Variants in LRRC75A observed in about 807,000 individuals in gnomAD.
LRRC75A encodes the protein leucine rich repeat containing 75A.
In LRRC75A, 12 loss-of-function variants were observed where a neutral mutation model predicts 26.0. The ratio of observed to expected loss-of-function variants is 0.46; its 90% CI spans 0.30 to 0.75. The LOEUF (loss-of-function observed/expected upper bound fraction) is 0.75. Among genes scored for constraint, LRRC75A ranks in the 30% least tolerant of loss-of-function variants. The pLI is 0.08. For missense variants in LRRC75A, 410 were observed against 486.6 expected (o/e 0.84, Z 1.48); for synonymous variants, 223 against 219.3 (o/e 1.02, Z -0.15).
intron 1 of LRRC75A, among the ~76,000 whole-genome samples, chr17:16,483,992 A>G (rs1568987005): frequency 6.6e-6 from 1 of 152,182 alleles, no homozygotes; most frequent in South Asian, 2.1e-4. Flanking sequence ...CTTTTATAAT[A>G]TTTTAAAAAC....
Position 16,462,162 on chromosome 17 carries a change from G to A in LRRC75A, c.375+96C>T, listed in dbSNP as rs2093732323. The A allele has an allele frequency of 7.2e-7, 1 of 1,381,342 alleles. No individual in the cohort carries two copies. The highest frequency in any genetic ancestry group is 9.9e-7 in the Non-Finnish European group (1 of 1,012,362). The allele number at this position is 1,381,342 out of a possible 1,614,324, so 85.6% of individuals were successfully genotyped here. A position where few individuals can be genotyped will look rare whatever the true frequency, so the allele number is the denominator to read the frequency against. Reference sequence around the variant, plus strand: ...GGACGGGCTTGTCCTCCTTGGGCCTGTCTGCCAGTCCTCCTTGGGCATACA... The same window carrying A: ...GGACGGGCTTGTCCTCCTTGGGCCTATCTGCCAGTCCTCCTTGGGCATACA... On this transcript the variant is annotated intron_variant, in intron 2 of 3. Transcript: ENST00000470794. This position sits in a 1 kb window ranked among gnomAD's most constrained non-coding sequence, Gnocchi z 4.6.
intron 1 of LRRC75A, among the ~76,000 whole-genome samples, chr17:16,483,547 TG>T (rs1435050868): frequency 1.3e-5 from 2 of 152,188 alleles, no homozygotes; most frequent in Non-Finnish European, 2.9e-5. Flanking sequence ...TGGGAATGAA[TG>T]GGTCTTTCCA....
intron 1 of LRRC75A, among the ~76,000 whole-genome samples, chr17:16,472,482 G>T (rs1392045563): frequency 6.6e-6 from 1 of 152,194 alleles, no homozygotes; most frequent in Non-Finnish European, 1.5e-5. Flanking sequence ...CAGTGGGCTT[G>T]ACTGCTCCAG....
chr17:16,455,498 C>T (rs1438723471), intron 2 of LRRC75A, among the ~76,000 whole-genome samples: 1 of 152,092 alleles, frequency 6.6e-6, no homozygotes, highest in Non-Finnish European at 1.5e-5. Flanking sequence ...CTTGCTTCAG[C>T]CTCCCGAGTA....
At chr17:16,475,943 A>T (rs2159337) in intron 1 of LRRC75A, among the ~76,000 whole-genome samples, 7 of 151,838 alleles carry the variant, frequency 4.6e-5, no homozygotes, top group African/African-American at 1.5e-4. Flanking sequence ...CTGTAATCCC[A>T]GCACTTTGGG....
At chr17:16,479,614 C>G (rs1271573436) in intron 1 of LRRC75A, among the ~76,000 whole-genome samples, 3 of 152,220 alleles carry the variant, frequency 2.0e-5, no homozygotes, top group Non-Finnish European at 4.4e-5. Context: ...GATAGGCATC[C>G]TTGAGTGACC....
intron 2 of LRRC75A, among the ~76,000 whole-genome samples, chr17:16,457,697 G>T (rs2093695907): frequency 6.6e-6 from 1 of 152,106 alleles, no homozygotes; most frequent in South Asian, 2.1e-4. Context: ...GTGGGGGTTG[G>T]GCTCACACCT....
chr17:16,489,416 G>A (rs1035958042), intron 1 of LRRC75A, among the ~76,000 whole-genome samples: 2 of 152,166 alleles, frequency 1.3e-5, no homozygotes, highest in East Asian at 3.8e-4. Context: ...TCTTGCTGAG[G>A]AAGAGGTTCT....
intron 1 of LRRC75A, among the ~76,000 whole-genome samples, chr17:16,473,909 T>C (rs773831316): frequency 2.0e-5 from 3 of 152,218 alleles, no homozygotes; most frequent in Admixed American, 6.5e-5. Flanking sequence ...AGGGGCTTCA[T>C]GACTGTGTGT....
In LRRC75A at chr17:16,443,778, A is replaced by C; in HGVS notation, c.845T>G (p.Leu282Arg). The change falls in exon 4 of 4, where the codon CTG becomes CGG. Residue 282 changes from leucine to arginine, a missense_variant. By Grantham distance (102) the Leu-to-Arg change is moderately radical. Transcript: ENST00000470794. The part of the protein sequence containing the change: ...VDIFSLPQPF[L>R]LSLRKRSPKQ... ...TGGGGAGCGCTTGCGCAGGCTGAGC[A>C]GGAAGGGCTGGGGCAAGGAGAAGAT... 1 of 1,613,822 alleles carries C rather than the reference A, an allele frequency of 6.2e-7. No homozygotes were observed. The highest frequency in any genetic ancestry group is 8.5e-7 in the Non-Finnish European group (1 of 1,179,718).
chr17:16,470,222 C>T (rs1159930312), intron 1 of LRRC75A: 3 of 151,996 alleles, frequency 2.0e-5, no homozygotes, highest in Non-Finnish European at 2.9e-5. Flanking sequence ...TCCCCCCTTC[C>T]CTCTTAAACT....
At chr17:16,481,909 A>C (rs1181276642) in intron 1 of LRRC75A, among the ~76,000 whole-genome samples, 1 of 152,058 alleles carries the variant, frequency 6.6e-6, no homozygotes, top group Admixed American at 6.5e-5. Context: ...ACCATCTACA[A>C]TACAGCCCTT....
At chr17:16,452,431 G>A (rs1211070454) in intron 2 of LRRC75A, among the ~76,000 whole-genome samples, 1 of 139,766 alleles carries the variant, frequency 7.2e-6, no homozygotes, top group Non-Finnish European at 1.6e-5. Context: ...CAGGCACAGG[G>A]ATTTTTTTTT....
intron 1 of LRRC75A, among the ~76,000 whole-genome samples, chr17:16,489,984 G>A (rs890123598): frequency 6.6e-6 from 1 of 152,120 alleles, no homozygotes; most frequent in Admixed American, 6.5e-5. Flanking sequence ...CAGTGGGGCT[G>A]CAGGGGCTTA....
chr17:16,450,210 A>T (rs1601089766), intron 2 of LRRC75A, among the ~76,000 whole-genome samples: 2 of 152,176 alleles, frequency 1.3e-5, no homozygotes, highest in Non-Finnish European at 2.9e-5. Context: ...GCAGTGGGGG[A>T]GCCTGAGGCC....
chr17:16,449,200 G>C (rs143264547), intron 2 of LRRC75A, among the ~76,000 whole-genome samples: 5 of 152,340 alleles, frequency 3.3e-5, no homozygotes, highest in African/African-American at 9.6e-5. Context: ...ACAGTGCTCA[G>C]CATGGTGCCT....
intron 1 of LRRC75A, among the ~76,000 whole-genome samples, chr17:16,471,202 G>A (rs995601805): frequency 5.3e-5 from 8 of 152,218 alleles, no homozygotes; most frequent in African/African-American, 1.9e-4. Context: ...TGAAGGTGGA[G>A]GCAGAGAAGG....
intron 1 of LRRC75A, among the ~76,000 whole-genome samples, chr17:16,489,549 T>C (rs894905888): frequency 1.3e-5 from 2 of 152,150 alleles, no homozygotes; most frequent in African/African-American, 4.8e-5. Flanking sequence ...AAAATGCAAT[T>C]TTGGAGAAAG....
Position 16,475,248 on chromosome 17 carries a change from C to T in LRRC75A, c.247-12862G>A, listed in dbSNP as rs570262829. Among the ~76,000 whole-genome samples the T allele has an allele frequency of 2.6e-5, 4 of 152,216 alleles. No individual in the cohort carries two copies. The East Asian group carries it at 7.7e-4, about 29-fold the overall frequency. ...CCCCTAGAAATTTCTGACTCTGCCT[C>T]TATGAGCCCTTGGAAGTTAAGTATT... is the stretch of plus-strand genomic sequence containing the variant. On this transcript the variant is annotated intron_variant, in intron 1 of 3. Coordinates refer to ENST00000470794, the MANE Select transcript of LRRC75A (RefSeq NM_001113567.3).
Sources: gnomAD v4.1 joint callset for allele counts (sites outside exome capture counted in the v4.1 genomes callset) on GRCh38, gnomAD v4.1.1 for gene constraint, Gnocchi (gnomAD v3.1) non-coding constraint, MANE v1.5 for transcripts, NCBI Gene and HGNC (gene_info 2026-07-23, HGNC 2026-07-21) for gene names.